Variants in NARS2 observed in about 807,000 individuals in gnomAD.
The protein encoded by NARS2 is asparaginyl-tRNA synthetase 2, mitochondrial.
Under a neutral mutation model 62.9 loss-of-function variants are expected in NARS2, and 60 were observed. The observed-to-expected ratio is 0.95, with a 90% CI of 0.77 to 1.18. NARS2 has a LOEUF of 1.18. Among genes scored for constraint, NARS2 ranks in the 50% most tolerant of loss-of-function variants. The pLI is 0.00. For synonymous variants in NARS2, 196 were observed against 200.0 expected, an observed-to-expected ratio of 0.98 and a Z score of 0.17; for missense variants, 619 against 576.4, an observed-to-expected ratio of 1.07 and a Z score of -0.76.
intron 1 of NARS2, 92 bp from the exon 2 acceptor site, chr11:78,571,536 A>C: frequency 1.2e-6 from 1 of 807,294 alleles, no homozygotes. Context: ...TAAAACATGT[A>C]CTCACAATCC....
intron 6 of NARS2, among the ~76,000 whole-genome samples, chr11:78,510,184 T>C (rs576038869): frequency 6.8e-4 from 104 of 152,232 alleles, no homozygotes; most frequent in African/African-American, 2.3e-3. Context: ...AAGACAGAGA[T>C]TGGCAGAATG....
At chr11:78,525,756 G>A (rs920418014) in intron 6 of NARS2, among the ~76,000 whole-genome samples, 1 of 152,064 alleles carries the variant, frequency 6.6e-6, no homozygotes, top group African/African-American at 2.4e-5. Flanking sequence ...GGAAAAAATA[G>A]TGTATTTTCA....
chr11:78,490,506 T>C (rs1859773647), intron 7 of NARS2, among the ~76,000 whole-genome samples: 1 of 151,898 alleles, frequency 6.6e-6, no homozygotes, highest in African/African-American at 2.4e-5. Context: ...AAAAACAAAG[T>C]CAAGAAATGG....
At chr11:78,574,313 A>T (rs1857038227) in intron 1 of NARS2, 35 bp downstream of exon 1, 6 of 1,613,954 alleles carry the variant, frequency 3.7e-6, no homozygotes, top group Non-Finnish European at 5.1e-6. Flanking sequence ...AAAAGTCCCT[A>T]CAAGAAAAAA....
chr11:78,462,477 T>C (rs1858437729), intron 11 of NARS2, among the ~76,000 whole-genome samples: 1 of 152,248 alleles, frequency 6.6e-6, no homozygotes, highest in Admixed American at 6.5e-5. Flanking sequence ...AGTAATTTTA[T>C]ATTATTTGTG....
chr11:78,480,167 G>A (rs556870341), intron 7 of NARS2, among the ~76,000 whole-genome samples: 4 of 152,194 alleles, frequency 2.6e-5, no homozygotes, highest in East Asian at 1.9e-4. Context: ...CCCATAGTAC[G>A]AGGATTATAG....
chr11:78,447,558 C>G (rs1388027087), intron 11 of NARS2, among the ~76,000 whole-genome samples: 1 of 152,082 alleles, frequency 6.6e-6, no homozygotes, highest in Non-Finnish European at 1.5e-5. Flanking sequence ...CTAATGTTCA[C>G]TGCAGCATTA....
chr11:78,480,635 T>C (rs1437392134), intron 7 of NARS2, among the ~76,000 whole-genome samples: 1 of 133,790 alleles, frequency 7.5e-6, no homozygotes, highest in Non-Finnish European at 1.6e-5. Context: ...AAAAAAAAAA[T>C]TGGTGAGCAT....
rs73506991 is a variant in NARS2 at position 78,547,736 on chromosome 11, C to A, written c.594+11803G>T. 5.4e-3 allele frequency among the ~76,000 whole-genome samples: 822 copies of A among 152,260 alleles called. 7 individuals are homozygous for A. Among genetic ancestry groups the A allele is most frequent in the African/African-American group, 0.019 (790 of 41,558 alleles). On this transcript the variant is annotated intron_variant, in intron 5 of 13. Coordinates refer to ENST00000281038, the MANE Select transcript of NARS2 (RefSeq NM_024678.6). ...TGAACATCATTATGTTATTTATGAA[C>A]GTATGACTAGACTAGTCTTAAGGCT...
chr11:78,450,700 A>C (rs1857942102), intron 11 of NARS2, among the ~76,000 whole-genome samples: 2 of 117,474 alleles, frequency 1.7e-5, no homozygotes, highest in Non-Finnish European at 3.3e-5. Context: ...CCTGAGACTG[A>C]GTCTCACTGT....
At chr11:78,516,039 G>C (rs968473724) in intron 6 of NARS2, among the ~76,000 whole-genome samples, 1 of 152,116 alleles carries the variant, frequency 6.6e-6, no homozygotes, top group African/African-American at 2.4e-5. Flanking sequence ...GAAAAGTTGG[G>C]CTATAAAGGA....
chr11:78,471,609 G>A (rs111683002), intron 9 of NARS2, among the ~76,000 whole-genome samples: 3,822 of 150,626 alleles, frequency 0.025, 166 homozygotes, highest in African/African-American at 0.089. Context: ...ATGTATACAT[G>A]TGCCATGCTG....
At chr11:78,530,956 AAAGT>A (rs1287360045) in intron 5 of NARS2, among the ~76,000 whole-genome samples, 1 of 152,208 alleles carries the variant, frequency 6.6e-6, no homozygotes, top group Non-Finnish European at 1.5e-5. Flanking sequence ...TATTACAATT[AAAGT>A]ATTATACTGA....
intron 5 of NARS2, among the ~76,000 whole-genome samples, chr11:78,548,489 T>C (rs1407583263): frequency 6.6e-6 from 1 of 152,226 alleles, no homozygotes; most frequent in African/African-American, 2.4e-5. Flanking sequence ...TAACTTTGTG[T>C]TACCATTTCT....
intron 11 of NARS2, among the ~76,000 whole-genome samples, chr11:78,445,259 G>A (rs1458901528): frequency 6.6e-6 from 1 of 152,070 alleles, no homozygotes; most frequent in Non-Finnish European, 1.5e-5. Flanking sequence ...ATTTTAATTT[G>A]TATTTCTTCA....
chr11:78,464,459 G>A (rs1858530249), intron 11 of NARS2, among the ~76,000 whole-genome samples: 1 of 152,160 alleles, frequency 6.6e-6, no homozygotes, highest in Admixed American at 6.5e-5. Flanking sequence ...GTTTTGACAG[G>A]GCGCTGATTG....
rs371999571 is a variant in NARS2, at chr11:78,566,390, T to C, written c.373-118A>G. 1.5e-4 allele frequency: 113 copies of C among 741,016 alleles called. 2 individuals are homozygous for C. Among genetic ancestry groups the C allele is most frequent in the East Asian group, 1.2e-3 (41 of 33,552 alleles). 45.9% of individuals were successfully genotyped at this position (741,016 alleles called of 1,614,324 possible). ...ACCAAACTAAGATCCTTTCCTTCTT[T>C]ATTTCTTAATATAACTGATTTTAAT... On this transcript the variant is annotated intron_variant, in intron 3 of 13. Transcript: ENST00000281038.
At chr11:78,501,302 A>G (rs1300356164) in intron 6 of NARS2, among the ~76,000 whole-genome samples, 1 of 152,232 alleles carries the variant, frequency 6.6e-6, no homozygotes, top group East Asian at 1.9e-4. Context: ...AATCTGTTGC[A>G]CTATCACATG....
chr11:78,500,923 C>A (rs960342156), intron 6 of NARS2, among the ~76,000 whole-genome samples: 1 of 152,074 alleles, frequency 6.6e-6, no homozygotes, highest in Non-Finnish European at 1.5e-5. Flanking sequence ...GAAACCCCGT[C>A]TCTACAAAAA....
Sources: gnomAD v4.1 joint callset for allele counts (sites outside exome capture counted in the v4.1 genomes callset) on GRCh38, gnomAD v4.1.1 for gene constraint, MANE v1.5 for transcripts, NCBI Gene and HGNC (gene_info 2026-07-23, HGNC 2026-07-21) for gene names.